HYAL1: variants seen among roughly 807,000 people sequenced by gnomAD.
HYAL1 encodes the protein hyaluronidase 1.
Under a neutral mutation model 28.8 loss-of-function variants are expected in HYAL1, and 21 were observed. The ratio of observed to expected loss-of-function variants is 0.73; its 90% confidence interval spans 0.52 to 1.05. HYAL1 has a LOEUF of 1.05. HYAL1 is among the 50% of genes least tolerant of loss of function. HYAL1 has a pLI of 0.00. For synonymous variants in HYAL1, 200 were observed against 230.1 expected, an observed-to-expected ratio of 0.87 and a Z score of 1.18; for missense variants, 491 against 579.2, an observed-to-expected ratio of 0.85 and a Z score of 1.56.
chr3:50,302,130 G>GCAGCCA lies in HYAL1; in HGVS notation c.821_826dup (p.Val274_Ala275dup). 6.2e-7 allele frequency: 1 copy of GCAGCCA among 1,613,898 alleles called. No individual in the cohort carries two copies. Among genetic ancestry groups the GCAGCCA allele is most frequent in the South Asian group, 1.1e-5 (1 of 91,088 alleles). On this transcript the variant is annotated inframe_insertion, in exon 2 of 4. Transcript: ENST00000395144. This position sits in a 1 kb window ranked among gnomAD's most constrained non-coding sequence, Gnocchi z 5.0. ...CAGCACCGGCAGATTGGGGTCACCA[G>GCAGCCA]CAGCCACAGCCACACGGAATGCCTC...
At position 50,302,257 on chromosome 3, in the gene HYAL1, A is replaced by C; in HGVS notation, c.700T>G (p.Trp234Gly). ...AGGGCACGGCTCTGGCCCCACAGCC[A>C]CCCTAGCTGGTCATTTTGGGCACGG... The part of the protein sequence containing the change: ...GIRAQNDQLG[W>G]LWGQSRALYP... Residue 234 changes from tryptophan (W) to glycine (G), a missense_variant, in exon 2 of 4, where the codon TGG becomes GGG. Trp to Gly is a radical substitution (Grantham distance 184). Transcript: ENST00000395144. This position sits in a 1 kb window ranked among gnomAD's most constrained non-coding sequence, Gnocchi z 5.0. 1 of 1,613,866 alleles carries C rather than the reference A, an allele frequency of 6.2e-7. No individual in the cohort carries two copies. Among genetic ancestry groups the C allele is most frequent in the Non-Finnish European group, 8.5e-7 (1 of 1,180,014 alleles).
At chr3:50,311,228 G>T (rs1553714726) in intron 1 of HYAL1, among the ~76,000 whole-genome samples, 1 of 123,286 alleles carries the variant, frequency 8.1e-6, no homozygotes, top group Non-Finnish European at 1.8e-5. Context: ...CCGGGCGGGG[G>T]GCTGACCCCC....
chr3:50,300,224 C>G lies in HYAL1; in HGVS notation c.*259G>C. On this transcript the variant is annotated 3_prime_UTR_variant, in exon 4 of 4. Coordinates refer to ENST00000395144, the MANE Select transcript of HYAL1 (RefSeq NM_033159.4). Reference sequence around the variant, plus strand: ...CAGTTCAAAGACTGGCTCAGTGTCTCTGGAGGAATTGTCTATGACCTTGCC... The same window carrying G: ...CAGTTCAAAGACTGGCTCAGTGTCTGTGGAGGAATTGTCTATGACCTTGCC... The G allele has an allele frequency of 1.9e-6, 1 of 528,962 alleles. No individual in the cohort carries two copies. The highest frequency in any genetic ancestry group is 2.0e-5 in the South Asian group (1 of 49,214). The allele number at this position is 528,962 out of a possible 1,614,324, so 32.8% of individuals were successfully genotyped here. A position where few individuals can be genotyped will look rare whatever the true frequency, so the allele number is the denominator to read the frequency against.
chr3:50,310,079 C>T (rs587775790), intron 1 of HYAL1, among the ~76,000 whole-genome samples: 4 of 151,440 alleles, frequency 2.6e-5, no homozygotes, highest in South Asian at 2.1e-4. Flanking sequence ...TGTTTCAAAA[C>T]GAATGTTCAC....
intron 2 of HYAL1, among the ~76,000 whole-genome samples, chr3:50,301,723 CG>C (rs1702168081): frequency 6.6e-6 from 1 of 151,676 alleles, no homozygotes; most frequent in South Asian, 2.1e-4. Flanking sequence ...GAGGCCGAGG[CG>C]GATGGATCAC....
upstream of HYAL1, among the ~76,000 whole-genome samples, chr3:50,305,234 TTC>T (rs1559823259): frequency 6.6e-6 from 1 of 152,124 alleles, no homozygotes; most frequent in Non-Finnish European, 1.5e-5. Context: ...GCTTATGTAC[TTC>T]TGTTTTTTTT....
chr3:50,300,049 G>A lies in HYAL1; in HGVS notation c.*434C>T, dbSNP rs182987423. 126 of 253,462 alleles carry A rather than the reference G, an allele frequency of 5.0e-4. No homozygotes were observed. The highest frequency in any genetic ancestry group is 2.4e-3 in the African/African-American group (110 of 45,222). The allele number at this position is 253,462 out of a possible 1,614,324, so 15.7% of individuals were successfully genotyped here. On this transcript the variant is annotated 3_prime_UTR_variant, in exon 4 of 4. Transcript: ENST00000395144. ...CTCAACTTCTCCCTTTTCTTGCTGTGCAACCTTGGGCAACGTGCTTACTCT... is the reference window on the plus strand; with the variant it reads ...CTCAACTTCTCCCTTTTCTTGCTGTACAACCTTGGGCAACGTGCTTACTCT...
chr3:50,301,020 G>A lies in HYAL1; in HGVS notation c.958C>T (p.Leu320Phe), dbSNP rs1553712742. ...SAAQGAAGVV[L>F]WVSWENTRTK... is the part of the protein sequence containing the mutation. ...CTTGTATTTTCCCAGCTCACCCAGAGCACCACTCCAGCTGCCCCCTGGGCC... is the reference window on the plus strand; with the variant it reads ...CTTGTATTTTCCCAGCTCACCCAGAACACCACTCCAGCTGCCCCCTGGGCC... The change falls in exon 3 of 4, where the codon CTC becomes TTC. Residue 320 changes from leucine to phenylalanine, a missense_variant. Coordinates refer to ENST00000395144, the MANE Select transcript of HYAL1 (RefSeq NM_033159.4). 1.9e-6 allele frequency: 3 copies of A among 1,595,204 alleles called. No individual in the cohort carries two copies. The highest frequency in any genetic ancestry group is 3.5e-5 in the Admixed American group (2 of 56,552).
chr3:50,307,826 C>T (rs1168871278), upstream of HYAL1, among the ~76,000 whole-genome samples: 3 of 144,610 alleles, frequency 2.1e-5, no homozygotes, highest in Non-Finnish European at 4.5e-5. Flanking sequence ...GACGGAGTCT[C>T]GCTCTATCAC....
At chr3:50,308,670 C>T (rs1170968385) in intron 2 of HYAL1, among the ~76,000 whole-genome samples, 7 of 147,790 alleles carry the variant, frequency 4.7e-5, no homozygotes, top group East Asian at 2.0e-4. Flanking sequence ...CTCCTGACCT[C>T]GTGATCTGCC....
Position 50,300,587 on chromosome 3 carries a change from C to A in HYAL1, c.1204G>T (p.Gly402Cys). The change falls in exon 4 of 4, where the codon GGT (glycine) becomes TGT (cysteine). Residue 402 changes from glycine to cysteine, a missense_variant. By Grantham distance (159) the Gly-to-Cys change is radical. Transcript: ENST00000395144. Reference protein sequence around the residue: ...TPGGGPLSLRGALSLEDQAQM... With the variant: ...TPGGGPLSLRCALSLEDQAQM... ...GCCTGATCTTCAAGTGAGAGGGCAC[C>A]CCGCAGGCTCAGGGGCCCACCACCA... 6.2e-7 allele frequency: 1 copy of A among 1,614,194 alleles called. No individual in the cohort carries two copies. Among genetic ancestry groups the A allele is most frequent in the Non-Finnish European group, 8.5e-7 (1 of 1,180,042 alleles).
intron 1 of HYAL1, among the ~76,000 whole-genome samples, chr3:50,312,005 T>A (rs1575525348): frequency 7.8e-6 from 1 of 128,622 alleles, no homozygotes; most frequent in Non-Finnish European, 1.7e-5. Context: ...ACGGGGCGGC[T>A]GGCCGGGTGG....
upstream of HYAL1, chr3:50,304,091 C>A (rs1702277352): frequency 1.3e-5 from 2 of 151,058 alleles, no homozygotes; most frequent in African/African-American, 4.9e-5. Flanking sequence ...CATGGTGAAA[C>A]CCCTTCTCTA....
At chr3:50,311,178 C>A (rs587640236) in intron 1 of HYAL1, among the ~76,000 whole-genome samples, 1 of 151,020 alleles carries the variant, frequency 6.6e-6, no homozygotes, top group Admixed American at 6.6e-5. Flanking sequence ...TAGGGGCAGC[C>A]GGGCAGAGGC....
upstream of HYAL1, among the ~76,000 whole-genome samples, chr3:50,305,021 T>C (rs142282633): frequency 1.3e-5 from 2 of 152,370 alleles, no homozygotes; most frequent in East Asian, 1.9e-4. Flanking sequence ...TGGGAACCGC[T>C]CAGGACAAAT....
chr3:50,308,734 C>CTTTT (rs587625905), intron 2 of HYAL1, among the ~76,000 whole-genome samples: 2 of 117,306 alleles, frequency 1.7e-5, no homozygotes, highest in African/African-American at 6.8e-5. Context: ...CGTGCCTGGC[C>CTTTT]TTTTTTTTTT....
At chr3:50,301,679 G>A (rs1011045782) in intron 2 of HYAL1, among the ~76,000 whole-genome samples, 16 of 151,288 alleles carry the variant, frequency 1.1e-4, no homozygotes, top group African/African-American at 1.9e-4. Context: ...GGGGCCGGGC[G>A]CGGTGGCTCA....
At position 50,302,945 on chromosome 3, in the gene HYAL1, G is replaced by A. The variant is rs202199091; in HGVS notation, c.12C>T (p.His4=). ...GGAAGAGGGCGCAGATGGGAAGCAG[G>A]TGGGCTGCCATGGCACGGGACTGGT... MAA[H]LLPICALFLT... is the part of the protein sequence containing the mutation. The change falls in exon 2 of 4, where the codon CAC becomes CAT. Residue 4 remains histidine, a synonymous_variant. Coordinates refer to ENST00000395144, the MANE Select transcript of HYAL1 (RefSeq NM_033159.4). The surrounding 1 kb of genome is among the most constrained non-coding windows in gnomAD (Gnocchi z 5.0). 29 of 1,570,250 alleles carry A rather than the reference G, an allele frequency of 1.8e-5. No individual in the cohort carries two copies. The highest frequency in any genetic ancestry group is 2.4e-5 in the Non-Finnish European group (28 of 1,154,794).
At chr3:50,307,127 G>T (rs1702347635), upstream of HYAL1, among the ~76,000 whole-genome samples, 1 of 150,286 alleles carries the variant, frequency 6.7e-6, no homozygotes, top group Non-Finnish European at 1.5e-5. Context: ...CACTTTGGGA[G>T]ACTGAGGCAG....
Sources: allele counts gnomAD v4.1 joint callset (sites outside exome capture counted in the v4.1 genomes callset), GRCh38; gene constraint gnomAD v4.1.1; non-coding constraint Gnocchi (gnomAD v3.1); transcripts MANE v1.5; gene names NCBI Gene and HGNC (gene_info 2026-07-23, HGNC 2026-07-21).